The following CHRNB2 variants were observed in gnomAD, a reference collection of about 807,000 sequenced individuals.
CHRNB2 encodes the protein neuronal acetylcholine receptor subunit beta-2.
In CHRNB2, 33 loss-of-function variants were observed where a neutral mutation model predicts 42.7. The ratio of observed to expected loss-of-function variants is 0.77; its 90% CI spans 0.59 to 1.03. The LOEUF (loss-of-function observed/expected upper bound fraction) is 1.03. CHRNB2 is among the 50% of genes least tolerant of loss of function. CHRNB2 has a pLI of 0.00. For synonymous variants in CHRNB2, 325 were observed against 292.9 expected (o/e 1.11, Z -1.12); for missense variants, 603 against 700.9 (o/e 0.86, Z 1.58).
At position 154,576,949 on chromosome 1, in the gene CHRNB2, A is replaced by T. The variant is rs200636354; in HGVS notation, c.*1017A>T. The T allele has an allele frequency of 6.6e-6, 1 of 152,256 alleles. No individual in the cohort carries two copies. Among genetic ancestry groups the T allele is most frequent in the African/African-American group, 2.4e-5 (1 of 41,446 alleles). The allele number at this position is 152,256 out of a possible 1,614,324, so 9.4% of individuals were successfully genotyped here. On this transcript the variant is annotated 3_prime_UTR_variant, in exon 6 of 6. Coordinates refer to ENST00000368476, the MANE Select transcript of CHRNB2 (RefSeq NM_000748.3). The stretch of plus-strand genomic sequence containing the variant: ...CACTTTGAACTGACTGGTTACTCTA[A>T]GGAAGTGAACTGAGGATGTTAGCTT...
chr1:154,569,665 G>A (rs1696127160), intron 2 of CHRNB2, 58 bp downstream of exon 2: 2 of 1,613,370 alleles, frequency 1.2e-6, no homozygotes, highest in East Asian at 2.2e-5. Context: ...GCCAAAATGT[G>A]TTAATGCTTG....
chr1:154,567,996 G>C lies in CHRNB2; in HGVS notation c.-49G>C, dbSNP rs551484822. On this transcript the variant is annotated 5_prime_UTR_variant, in exon 1 of 6. Transcript: ENST00000368476. ...CGCCCCACCCGCGGCCCTCCCCCCG[G>C]CGGCGCGCTCCAGCCGGTGTAGGCG... The C allele has an allele frequency of 4.7e-4, 695 of 1,485,118 alleles. 6 individuals carry two copies. The African/African-American group carries it at 8.5e-3, about 18-fold the overall frequency. 92.0% of individuals were successfully genotyped at this position (1,485,118 alleles called of 1,614,324 possible). A position where few individuals can be genotyped will look rare whatever the true frequency, so the allele number is the denominator to read the frequency against.
chr1:154,575,865 C>G lies in CHRNB2; in HGVS notation c.1442C>G (p.Pro481Arg). 6.2e-7 allele frequency: 1 copy of G among 1,614,178 alleles called. No homozygotes were observed. The highest frequency in any genetic ancestry group is 8.5e-7 in the Non-Finnish European group (1 of 1,180,042). ...GGCACCATCGGCATGTTCCTGCAGC[C>G]TCTCTTCCAGAACTACACCACCACC... ...VFGTIGMFLQ[P>R]LFQNYTTTTF... The change falls in exon 6 of 6, where the codon CCT becomes CGT. Residue 481 changes from proline (P) to arginine (R), a missense_variant. Pro to Arg is a moderately radical substitution (Grantham distance 103). Around this residue, in one of 2 missense-constraint regions of CHRNB2, gnomAD observed 270 missense variants for 248.3 expected, o/e 1.09. Coordinates refer to ENST00000368476, the MANE Select transcript of CHRNB2 (RefSeq NM_000748.3).
intron 1 of CHRNB2, 117 bp from the exon 2 acceptor site, chr1:154,569,345 T>G: frequency 8.1e-7 from 1 of 1,239,818 alleles, no homozygotes; most frequent in African/African-American, 1.5e-5. Flanking sequence ...TGCAGTATCC[T>G]TAGGGATGTA....
chr1:154,569,852 C>T lies in CHRNB2; in HGVS notation c.255+16C>T. The T allele has an allele frequency of 6.2e-7, 1 of 1,613,982 alleles. No homozygotes were observed. The highest frequency in any genetic ancestry group is 8.5e-7 in the Non-Finnish European group (1 of 1,179,864). On this transcript the variant is annotated intron_variant, in intron 3 of 5. Transcript: ENST00000368476. ...GCTGACCCAGGTAAGCGTAAGTGCTCTCTTCCACCCACACCCCTGGCCTTC... is the reference window on the plus strand; with the variant it reads ...GCTGACCCAGGTAAGCGTAAGTGCTTTCTTCCACCCACACCCCTGGCCTTC...
rs1557849983 is a variant in CHRNB2 at position 154,567,865 on chromosome 1, G to A, written c.-180G>A. 4.1e-6 allele frequency: 2 copies of A among 489,434 alleles called. No homozygotes were observed. The highest frequency in any genetic ancestry group is 3.7e-5 in the East Asian group (1 of 27,366). The allele number at this position is 489,434 out of a possible 1,614,324, so 30.3% of individuals were successfully genotyped here. ...CTGCTCATACCAGGATAGGCAAGAA[G>A]CTGGTTTCTCCTCGCAGCCGGCTCC... On this transcript the variant is annotated 5_prime_UTR_variant, in exon 1 of 6. Coordinates refer to ENST00000368476, the MANE Select transcript of CHRNB2 (RefSeq NM_000748.3).
At chr1:154,572,962 C>CCTGTGGTCAGTCT (rs1696207329) in intron 5 of CHRNB2, among the ~76,000 whole-genome samples, 1 of 152,166 alleles carries the variant, frequency 6.6e-6, no homozygotes, top group Non-Finnish European at 1.5e-5. Context: ...CCGGCCCCAC[C>CCTGTGGTCAGTCT]CTGTGGTCAG....
rs1571020620 is a variant in CHRNB2, at chr1:154,569,821, T to C, written c.240T>C (p.Asn80=). 1.2e-6 allele frequency: 2 copies of C among 1,614,094 alleles called. No individual in the cohort carries two copies. Among genetic ancestry groups the C allele is most frequent in the Non-Finnish European group, 1.7e-6 (2 of 1,180,010 alleles). The part of the protein sequence containing the change: ...VHEREQIMTT[N]VWLTQEWEDY... ...AGCGGGAGCAGATCATGACCACCAA[T>C]GTCTGGCTGACCCAGGTAAGCGTAA... The change falls in exon 3 of 6, where the codon AAT becomes AAC. Residue 80 remains asparagine, a synonymous_variant. Transcript: ENST00000368476.
At chr1:154,574,484 C>T (rs994887280) in intron 5 of CHRNB2, among the ~76,000 whole-genome samples, 2 of 152,252 alleles carry the variant, frequency 1.3e-5, no homozygotes, top group African/African-American at 2.4e-5. Flanking sequence ...ATGGCATAAA[C>T]GTTTTTAAAG....
At chr1:154,568,983 G>A (rs1448953644) in intron 1 of CHRNB2, among the ~76,000 whole-genome samples, 2 of 151,716 alleles carry the variant, frequency 1.3e-5, no homozygotes, top group African/African-American at 2.4e-5. Flanking sequence ...AATGGTGAAC[G>A]GGAACAGTTA....
In CHRNB2 at chr1:154,567,956, C is replaced by T; in HGVS notation, c.-89C>T. 1 of 1,271,846 alleles carries T rather than the reference C, an allele frequency of 7.9e-7. No homozygotes were observed. The highest frequency in any genetic ancestry group is 3.0e-5 in the East Asian group (1 of 32,790). The allele number at this position is 1,271,846 out of a possible 1,614,324, so 78.8% of individuals were successfully genotyped here. On this transcript the variant is annotated 5_prime_UTR_variant, in exon 1 of 6. Coordinates refer to ENST00000368476, the MANE Select transcript of CHRNB2 (RefSeq NM_000748.3). ...ACCCAGCTCCAGGCGGGCGCGGCTT[C>T]AGCACCACGGACAGCGCCCCACCCG... is the stretch of plus-strand genomic sequence containing the variant.
chr1:154,575,296 G>C (rs1265433510), intron 5 of CHRNB2, among the ~76,000 whole-genome samples: 1 of 152,220 alleles, frequency 6.6e-6, no homozygotes, highest in Non-Finnish European at 1.5e-5. Context: ...CGTGTACACA[G>C]TGCAGAGGGA....
rs548676903 is a variant in CHRNB2, at chr1:154,578,789, G to T, written c.*2857G>T. 1 of 152,178 alleles carries T rather than the reference G, an allele frequency of 6.6e-6. No individual in the cohort carries two copies. The highest frequency in any genetic ancestry group is 2.4e-5 in the African/African-American group (1 of 41,434). 9.4% of individuals were successfully genotyped at this position (152,178 alleles called of 1,614,324 possible). The stretch of plus-strand genomic sequence containing the variant: ...GGTGGGGCTATCTCTGCAGAGAATC[G>T]GGTGCCCAGCTTAATGCTGGGCAAG... On this transcript the variant is annotated 3_prime_UTR_variant, in exon 6 of 6. Transcript: ENST00000368476.
chr1:154,573,933 A>G (rs1030017766), intron 5 of CHRNB2, among the ~76,000 whole-genome samples: 3 of 152,038 alleles, frequency 2.0e-5, no homozygotes, highest in African/African-American at 7.2e-5. Flanking sequence ...TATTTTTAGT[A>G]GAGACGGGGT....
chr1:154,575,908 C>G lies in CHRNB2; in HGVS notation c.1485C>G (p.Asp495Glu), dbSNP rs144813907. The G allele has an allele frequency of 6.2e-7, 1 of 1,614,216 alleles. No individual in the cohort carries two copies. The highest frequency in any genetic ancestry group is 2.2e-5 in the East Asian group (1 of 44,886). The change falls in exon 6 of 6, where the codon GAC (aspartate) becomes GAG (glutamate). Residue 495 changes from aspartate to glutamate, a missense_variant. Asp to Glu is a conservative substitution (Grantham distance 45). This residue lies in a region of CHRNB2 where 270 missense variants were observed against 248.3 expected (regional missense o/e 1.09). Coordinates refer to ENST00000368476, the MANE Select transcript of CHRNB2 (RefSeq NM_000748.3). Reference protein sequence around the residue: ...NYTTTTFLHSDHSAPSSK With the variant: ...NYTTTTFLHSEHSAPSSK The stretch of plus-strand genomic sequence containing the variant: ...CCACCACCACCTTCCTCCACTCAGA[C>G]CACTCAGCCCCCAGCTCCAAGTGAG...
Position 154,571,736 on chromosome 1 carries a change from A to G in CHRNB2, c.913A>G (p.Met305Val). 1.2e-6 allele frequency: 2 copies of G among 1,614,176 alleles called. No individual in the cohort carries two copies. The highest frequency in any genetic ancestry group is 8.5e-7 in the Non-Finnish European group (1 of 1,180,026). The change falls in exon 5 of 6, where the codon ATG (methionine) becomes GTG (valine). Residue 305 changes from methionine (M) to valine (V), a missense_variant. Physicochemically the swap from Met to Val is conservative, Grantham distance 21 (BLOSUM62 1). Around this residue, in one of 2 missense-constraint regions of CHRNB2, gnomAD observed 333 missense variants for 452.6 expected, o/e 0.74. Coordinates refer to ENST00000368476, the MANE Select transcript of CHRNB2 (RefSeq NM_000748.3). This position sits in a 1 kb window ranked among gnomAD's most constrained non-coding sequence, Gnocchi z 6.8. The part of the protein sequence containing the change: ...PLVGKYLMFT[M>V]VLVTFSIVTS... ...CGTCGGCAAGTACCTCATGTTCACC[A>G]TGGTGCTTGTCACCTTCTCCATCGT...
rs762237464 is a variant in CHRNB2, at chr1:154,571,891, C to T, written c.1068C>T (p.Cys356=). 5.0e-6 allele frequency: 8 copies of T among 1,587,232 alleles called. No individual in the cohort carries two copies. The South Asian group carries it at 5.6e-5, about 11-fold the overall frequency. ...TCATGCAGCAGCCACGCCATCATTG[C>T]GCCCGTCAGCGCCTGCGCCTGCGGC... ...LLFMQQPRHH[C]ARQRLRLRRR... The change falls in exon 5 of 6, where the codon TGC becomes TGT. Residue 356 remains cysteine (C), a synonymous_variant. Transcript: ENST00000368476. The surrounding 1 kb of genome is among the most constrained non-coding windows in gnomAD (Gnocchi z 6.8).
rs747080974 is a variant in CHRNB2, at chr1:154,575,845, C to G, written c.1422C>G (p.Thr474=). ...TTGTCTTTGTCTGTGTCTTTGGCAC[C>G]ATCGGCATGTTCCTGCAGCCTCTCT... ...WIFVFVCVFG[T]IGMFLQPLFQ... is the part of the protein sequence containing the mutation. Residue 474 remains threonine (T), a synonymous_variant, in exon 6 of 6, where the codon ACC becomes ACG. Coordinates refer to ENST00000368476, the MANE Select transcript of CHRNB2 (RefSeq NM_000748.3). The G allele has an allele frequency of 6.2e-7, 1 of 1,614,154 alleles. No individual in the cohort carries two copies. The highest frequency in any genetic ancestry group is 2.2e-5 in the East Asian group (1 of 44,876).
chr1:154,574,743 G>A (rs1696239693), intron 5 of CHRNB2, among the ~76,000 whole-genome samples: 1 of 152,180 alleles, frequency 6.6e-6, no homozygotes, highest in Non-Finnish European at 1.5e-5. Flanking sequence ...TAAACCACTG[G>A]CTGCGTTTCT....
Sources: allele counts gnomAD v4.1 joint callset (sites outside exome capture counted in the v4.1 genomes callset), GRCh38; gene constraint gnomAD v4.1.1; regional missense constraint gnomAD v4.1.1; non-coding constraint Gnocchi (gnomAD v3.1); transcripts MANE v1.5; gene names NCBI Gene and HGNC (gene_info 2026-07-23, HGNC 2026-07-21).